ZEB1: variants seen among roughly 807,000 people sequenced by gnomAD.
ZEB1 encodes zinc finger E-box binding homeobox 1, also known as zinc finger E-box-binding homeobox 1.
ZEB1 carries 21 observed loss-of-function variants against 84.9 expected under a neutral mutation model. The observed-to-expected ratio is 0.25, with a 90% confidence interval of 0.18 to 0.36. The LOEUF is 0.36. ZEB1 is among the 10% of genes least tolerant of loss of function. ZEB1 has a pLI of 1.00. For missense variants in ZEB1, 1,104 were observed against 1,330.2 expected, an observed-to-expected ratio of 0.83 and a Z score of 2.65; for synonymous variants, 420 against 471.1, an observed-to-expected ratio of 0.89 and a Z score of 1.41.
chr10:31,455,422 T>G (rs1248152480), intron 1 of ZEB1, among the ~76,000 whole-genome samples: 1 of 152,116 alleles, frequency 6.6e-6, no homozygotes, highest in Non-Finnish European at 1.5e-5. Context: ...GGGATCTAAT[T>G]AAACTAAAGA....
chr10:31,332,250 G>A (rs1381908493), intron 1 of ZEB1, among the ~76,000 whole-genome samples: 2 of 152,100 alleles, frequency 1.3e-5, no homozygotes, highest in African/African-American at 4.8e-5. Flanking sequence ...ATAGTGGCTG[G>A]TATCTGTGCA....
intron 1 of ZEB1, among the ~76,000 whole-genome samples, chr10:31,415,094 T>TA (rs1457896769): frequency 6.6e-6 from 1 of 152,154 alleles, no homozygotes; most frequent in Non-Finnish European, 1.5e-5. Flanking sequence ...TCCATCTTCT[T>TA]ACGTTACAAA....
chr10:31,393,727 T>C (rs1484498682), intron 1 of ZEB1, among the ~76,000 whole-genome samples: 1 of 152,178 alleles, frequency 6.6e-6, no homozygotes. Flanking sequence ...ATAGATATTG[T>C]TTAAAATAGA....
At chr10:31,368,816 G>GT (rs1187025539) in intron 1 of ZEB1, among the ~76,000 whole-genome samples, 1 of 152,194 alleles carries the variant, frequency 6.6e-6, no homozygotes, top group African/African-American at 2.4e-5. Context: ...GGCTGTGGTG[G>GT]TGGTATGGTG....
At chr10:31,331,081 C>CTTTCTTTTTTTTT in intron 1 of ZEB1, among the ~76,000 whole-genome samples, 1 of 77,848 alleles carries the variant, frequency 1.3e-5, no homozygotes, top group East Asian at 3.7e-4. Flanking sequence ...TTCTTTCTTT[C>CTTTCTTTTTTTTT]TTTTTTTTTT....
At chr10:31,518,339 C>T (rs904607006) in intron 6 of ZEB1, among the ~76,000 whole-genome samples, 2 of 152,036 alleles carry the variant, frequency 1.3e-5, no homozygotes, top group Admixed American at 1.3e-4. Context: ...GTATATTTAA[C>T]CTATATAAGA....
At chr10:31,322,858 C>T (rs1296012941) in intron 1 of ZEB1, among the ~76,000 whole-genome samples, 1 of 151,866 alleles carries the variant, frequency 6.6e-6, no homozygotes, top group Non-Finnish European at 1.5e-5. Context: ...GCACCATTTC[C>T]CCTTGCTGTC....
chr10:31,526,024 A>C (rs2073361933), intron 8 of ZEB1, among the ~76,000 whole-genome samples: 1 of 152,224 alleles, frequency 6.6e-6, no homozygotes, highest in African/African-American at 2.4e-5. Context: ...AGTTGTTGCC[A>C]GTCCTTTTCA....
chr10:31,353,059 C>T (rs2041563854), intron 1 of ZEB1, among the ~76,000 whole-genome samples: 1 of 152,212 alleles, frequency 6.6e-6, no homozygotes, highest in African/African-American at 2.4e-5. Flanking sequence ...GATTTGACCA[C>T]TGGATTTACA....
At chr10:31,355,409 T>C (rs1381178270) in intron 1 of ZEB1, among the ~76,000 whole-genome samples, 2 of 152,190 alleles carry the variant, frequency 1.3e-5, no homozygotes, top group Admixed American at 6.5e-5. Context: ...TAAATGATAG[T>C]GTAACACAGT....
At chr10:31,439,732 G>C (rs1403068478) in intron 1 of ZEB1, among the ~76,000 whole-genome samples, 1 of 152,088 alleles carries the variant, frequency 6.6e-6, no homozygotes, top group Admixed American at 6.6e-5. Context: ...AGGTGGAATT[G>C]GGCAGTTCAT....
intron 1 of ZEB1, among the ~76,000 whole-genome samples, chr10:31,416,792 C>T (rs114537511): frequency 0.033 from 5,067 of 152,178 alleles, 285 homozygotes; most frequent in African/African-American, 0.11. Context: ...CCAAATTAAA[C>T]GCTTTCATCA....
intron 1 of ZEB1, among the ~76,000 whole-genome samples, chr10:31,448,937 C>T (rs1332490756): frequency 6.6e-6 from 1 of 152,208 alleles, no homozygotes; most frequent in African/African-American, 2.4e-5. Flanking sequence ...GTGGTGGGCT[C>T]CACCCAGTTG....
At chr10:31,410,980 G>A (rs561147797) in intron 1 of ZEB1, among the ~76,000 whole-genome samples, 28 of 151,976 alleles carry the variant, frequency 1.8e-4, no homozygotes, top group Admixed American at 3.9e-4. Context: ...AGGGTTTTTC[G>A]TGTCTCTATC....
At chr10:31,475,262 T>A (rs1209420108) in intron 2 of ZEB1, among the ~76,000 whole-genome samples, 1 of 151,590 alleles carries the variant, frequency 6.6e-6, no homozygotes, top group Non-Finnish European at 1.5e-5. Flanking sequence ...AAATAAGTTT[T>A]GTAAATGAAC....
In ZEB1 at chr10:31,376,562, A is replaced by T. The variant is rs147540437; in HGVS notation, c.58+57270A>T. 9.1e-3 allele frequency among the ~76,000 whole-genome samples: 1,384 copies of T among 151,814 alleles called. 13 individuals carry two copies. The highest frequency in any genetic ancestry group is 0.031 in the African/African-American group (1,295 of 41,506). The stretch of plus-strand genomic sequence containing the variant: ...TTATATGAAGCAGTTTTACATTTAA[A>T]ACTACCAAGTTGTAATAGTTAAGAA... On this transcript the variant is annotated intron_variant, in intron 1 of 8. Transcript: ENST00000424869.
In ZEB1 at chr10:31,520,280, T is replaced by C. The variant is rs567821310; in HGVS notation, c.948T>C (p.Ser316=). The C allele has an allele frequency of 1.6e-5, 26 of 1,613,928 alleles. No individual in the cohort carries two copies. The South Asian group carries it at 2.9e-4, about 18-fold the overall frequency. The change falls in exon 7 of 9, where the codon TCT becomes TCC. Residue 316 remains serine (S), a synonymous_variant. Coordinates refer to ENST00000424869, the MANE Select transcript of ZEB1 (RefSeq NM_001174096.2). The surrounding 1 kb of genome is among the most constrained non-coding windows in gnomAD (Gnocchi z 5.1). ...GLKTSQCSSP[S]LSASPGSPTR... ...AGACATCTCAGTGTTCTTCACCGTCTCTTTCAGCATCACCAGGCAGTCCCA... is the reference window on the plus strand; with the variant it reads ...AGACATCTCAGTGTTCTTCACCGTCCCTTTCAGCATCACCAGGCAGTCCCA...
At chr10:31,382,006 CAAA>C (rs535534850) in intron 1 of ZEB1, among the ~76,000 whole-genome samples, 8 of 40,770 alleles carry the variant, frequency 2.0e-4, no homozygotes, top group African/African-American at 3.1e-4. Flanking sequence ...GAGACTGTCT[CAAA>C]AAAAAAAAAA....
rs187638939 is a variant in ZEB1 at position 31,426,848 on chromosome 10, C to T, written c.59-34189C>T. Among the ~76,000 whole-genome samples the T allele has an allele frequency of 6.6e-5, 10 of 152,110 alleles. No individual in the cohort carries two copies. In the East Asian group the frequency reaches 1.7e-3, roughly 26 times the overall value. On this transcript the variant is annotated intron_variant, in intron 1 of 8. Coordinates refer to ENST00000424869, the MANE Select transcript of ZEB1 (RefSeq NM_001174096.2). ...TGCTTTGGATGGTACTCCCATTGAT[C>T]TGGATCAGAGACATATGTAAAATAC...
Sources: allele counts gnomAD v4.1 joint callset (sites outside exome capture counted in the v4.1 genomes callset), GRCh38; gene constraint gnomAD v4.1.1; non-coding constraint Gnocchi (gnomAD v3.1); transcripts MANE v1.5; gene names NCBI Gene and HGNC (gene_info 2026-07-23, HGNC 2026-07-21).